SMAP1: variants seen among roughly 807,000 people sequenced by gnomAD.
SMAP1 encodes the protein stromal membrane-associated protein 1.
In SMAP1, 24 loss-of-function variants were observed where a neutral mutation model predicts 58.5. The ratio of observed to expected loss-of-function variants is 0.41; its 90% CI spans 0.30 to 0.58. The LOEUF is 0.58. Ranked by LOEUF, SMAP1 falls within the 20% of genes least tolerant of loss-of-function variation. The pLI, the probability that SMAP1 is intolerant of heterozygous loss-of-function variation, is 0.29. For synonymous variants in SMAP1, 216 were observed against 196.6 expected (o/e 1.10, Z -0.82); for missense variants, 563 against 566.3 (o/e 0.99, Z 0.06).
chr6:70,806,008 A>G (rs895575874), intron 6 of SMAP1, among the ~76,000 whole-genome samples: 1 of 152,190 alleles, frequency 6.6e-6, no homozygotes, highest in Non-Finnish European at 1.5e-5. Flanking sequence ...CAGAGCTCAA[A>G]TGCAGTGCTG....
chr6:70,792,326 AT>A (rs70990333), intron 5 of SMAP1, among the ~76,000 whole-genome samples: 3,423 of 140,158 alleles, frequency 0.024, 56 homozygotes, highest in African/African-American at 0.051. Context: ...CTCTTTACCT[AT>A]TTTTTTTTTT....
chr6:70,696,479 C>T (rs183191506), intron 1 of SMAP1, among the ~76,000 whole-genome samples: 1 of 152,152 alleles, frequency 6.6e-6, no homozygotes, highest in African/African-American at 2.4e-5. Context: ...TTTAAAATTT[C>T]CTTTTAAATT....
At chr6:70,859,426 CG>C in intron 10 of SMAP1, 2 of 1,515,904 alleles carry the variant, frequency 1.3e-6, no homozygotes. Flanking sequence ...GGTATGAAGA[CG>C]TGATCTGCTT....
chr6:70,794,788 C>CTT lies in SMAP1; in HGVS notation c.495+3036_495+3037dup, dbSNP rs34050089. Among the ~76,000 whole-genome samples the CTT allele has an allele frequency of 7.5e-4, 86 of 114,960 alleles. 1 individual carries two copies. The highest frequency in any genetic ancestry group is 4.5e-3 in the Middle Eastern group (1 of 222). The allele number at this position is 114,960 out of a possible 152,430, so 75.4% of individuals were successfully genotyped here. A position where few individuals can be genotyped will look rare whatever the true frequency, so the allele number is the denominator to read the frequency against. Reference sequence around the variant, plus strand: ...GGTGTATTGTGCCACATTTTCTTTTCTTTTTTTTTTTTTTTTTTGAGATGG... The same window carrying CTT: ...GGTGTATTGTGCCACATTTTCTTTTCTTTTTTTTTTTTTTTTTTTTGAGATGG... On this transcript the variant is annotated intron_variant, in intron 5 of 10. Transcript: ENST00000370455.
chr6:70,722,226 T>G (rs1247086862), intron 1 of SMAP1, among the ~76,000 whole-genome samples: 4 of 152,226 alleles, frequency 2.6e-5, no homozygotes, highest in Non-Finnish European at 5.9e-5. Context: ...GCCATCAGCC[T>G]CTGTTAATAT....
At chr6:70,833,694 CAT>C (rs1322645490) in intron 6 of SMAP1, among the ~76,000 whole-genome samples, 2 of 152,340 alleles carry the variant, frequency 1.3e-5, no homozygotes, top group East Asian at 3.9e-4. Context: ...TTTGTGCTCA[CAT>C]GTGTGTGCAA....
intron 4 of SMAP1, among the ~76,000 whole-genome samples, chr6:70,783,084 A>G (rs768436432): frequency 2.6e-5 from 4 of 152,172 alleles, no homozygotes; most frequent in Non-Finnish European, 5.9e-5. Context: ...CTCTGAGACA[A>G]AACTTCCAGA....
At chr6:70,759,836 T>C (rs749756802) in intron 3 of SMAP1, 7 of 445,980 alleles carry the variant, frequency 1.6e-5, no homozygotes, top group South Asian at 6.4e-5. Context: ...AGTGAAGATA[T>C]AATACTGGAA....
Position 70,668,120 on chromosome 6 carries a change from T to G in SMAP1, c.97T>G (p.Cys33Gly). The part of the protein sequence containing the change: ...KLLREEDNKY[C>G]ADCEAKGPRW... ...TCTGAGGGAGGAGGACAACAAGTAC[T>G]GCGCCGACTGCGAGGCCAAAGGTAG... is the stretch of plus-strand genomic sequence containing the variant. Residue 33 changes from cysteine to glycine, a missense_variant, in exon 1 of 11, where the codon TGC (cysteine) becomes GGC (glycine). Transcript: ENST00000370455. 1 of 1,600,612 alleles carries G rather than the reference T, an allele frequency of 6.2e-7. No homozygotes were observed. The highest frequency in any genetic ancestry group is 8.5e-7 in the Non-Finnish European group (1 of 1,174,536).
chr6:70,689,707 A>C (rs540453545), intron 1 of SMAP1, among the ~76,000 whole-genome samples: 1 of 152,292 alleles, frequency 6.6e-6, no homozygotes, highest in East Asian at 1.9e-4. Context: ...AACAAAATAT[A>C]TCTCTCCAAT....
intron 1 of SMAP1, chr6:70,694,112 T>C (rs1329887637): frequency 1.0e-5 from 3 of 299,838 alleles, no homozygotes; most frequent in East Asian, 2.2e-4. Flanking sequence ...GGAAAGTTAC[T>C]TTGTGGTGGA....
At chr6:70,695,274 T>C (rs1051048489) in intron 1 of SMAP1, among the ~76,000 whole-genome samples, 2 of 152,226 alleles carry the variant, frequency 1.3e-5, no homozygotes, top group African/African-American at 4.8e-5. Context: ...TGCCCTTTCT[T>C]TCTCTTGTCT....
At chr6:70,845,067 G>A (rs1236569045) in intron 7 of SMAP1, among the ~76,000 whole-genome samples, 1 of 152,128 alleles carries the variant, frequency 6.6e-6, no homozygotes, top group Non-Finnish European at 1.5e-5. Context: ...TGTACTACAG[G>A]TAGAAGGTTC....
In SMAP1 at chr6:70,672,918, C is replaced by T. The variant is rs950439835; in HGVS notation, c.118+4777C>T. ...TGAAAGAACAGAAGAAGTTTCCATA[C>T]GGCCCTTACTAGATAAGCTTTCTTT... On this transcript the variant is annotated intron_variant, in intron 1 of 10. Coordinates refer to ENST00000370455, the MANE Select transcript of SMAP1 (RefSeq NM_001044305.3). Among the ~76,000 whole-genome samples the T allele has an allele frequency of 2.0e-5, 3 of 151,898 alleles. No individual in the cohort carries two copies. In the South Asian group the frequency reaches 6.2e-4, roughly 32 times the overall value.
chr6:70,681,246 C>T (rs1766698751), intron 1 of SMAP1, among the ~76,000 whole-genome samples: 1 of 151,930 alleles, frequency 6.6e-6, no homozygotes. Flanking sequence ...TGACGAAACT[C>T]TGTCTCTACA....
chr6:70,699,332 G>C (rs1767534509), intron 1 of SMAP1, among the ~76,000 whole-genome samples: 2 of 152,166 alleles, frequency 1.3e-5, no homozygotes, highest in South Asian at 4.1e-4. Context: ...CCACCACTGG[G>C]ACTGCGCTGG....
chr6:70,687,520 A>G (rs948969935), intron 1 of SMAP1, among the ~76,000 whole-genome samples: 1 of 152,190 alleles, frequency 6.6e-6, no homozygotes, highest in African/African-American at 2.4e-5. Context: ...TAGGTTAAGA[A>G]TAATGGTCAT....
At chr6:70,686,787 T>A (rs903476116) in intron 1 of SMAP1, among the ~76,000 whole-genome samples, 3 of 152,200 alleles carry the variant, frequency 2.0e-5, no homozygotes, top group African/African-American at 7.2e-5. Flanking sequence ...AGTAATTTCT[T>A]TGAATGTAAT....
intron 1 of SMAP1, among the ~76,000 whole-genome samples, chr6:70,672,012 G>C (rs1339840228): frequency 1.3e-5 from 2 of 152,188 alleles, no homozygotes; most frequent in African/African-American, 4.8e-5. Flanking sequence ...TGTTTAGCCT[G>C]TCTGATATTG....
Sources: allele counts gnomAD v4.1 joint callset (sites outside exome capture counted in the v4.1 genomes callset), GRCh38; gene constraint gnomAD v4.1.1; transcripts MANE v1.5; gene names NCBI Gene and HGNC (gene_info 2026-07-23, HGNC 2026-07-21).